Variants in SCAPER observed in about 807,000 individuals in gnomAD.
SCAPER encodes the protein S phase cyclin A-associated protein in the endoplasmic reticulum.
Under a neutral mutation model 182.2 loss-of-function variants are expected in SCAPER, and 98 were observed. That is an observed-to-expected ratio of 0.54 (90% CI 0.46 to 0.64). The LOEUF (loss-of-function observed/expected upper bound fraction) is 0.64. Among genes scored for constraint, SCAPER ranks in the 30% least tolerant of loss-of-function variants. The pLI is 0.00. For synonymous variants in SCAPER, 605 were observed against 564.6 expected, an observed-to-expected ratio of 1.07 and a Z score of -1.01; for missense variants, 1,432 against 1,690.0, an observed-to-expected ratio of 0.85 and a Z score of 2.68.
intron 23 of SCAPER, among the ~76,000 whole-genome samples, chr15:76,570,125 T>C (rs1332871181): frequency 1.3e-5 from 2 of 152,134 alleles, no homozygotes; most frequent in African/African-American, 4.8e-5. Context: ...GTATTAGCAA[T>C]TTAGGATCAT....
At chr15:76,370,906 G>A (rs1031570421) in intron 29 of SCAPER, among the ~76,000 whole-genome samples, 2 of 152,172 alleles carry the variant, frequency 1.3e-5, no homozygotes, top group Non-Finnish European at 2.9e-5. Flanking sequence ...CAGCATCTAA[G>A]GGAAAGAATG....
At chr15:76,491,223 C>T (rs888273068) in intron 24 of SCAPER, among the ~76,000 whole-genome samples, 7 of 152,138 alleles carry the variant, frequency 4.6e-5, no homozygotes, top group African/African-American at 1.7e-4. Flanking sequence ...TGTATCTTCG[C>T]ATATTTTGAA....
At chr15:76,811,010 C>T (rs945079566) in intron 5 of SCAPER, among the ~76,000 whole-genome samples, 3 of 148,682 alleles carry the variant, frequency 2.0e-5, no homozygotes, top group African/African-American at 7.4e-5. Flanking sequence ...CACCTAACAT[C>T]AAAGCACTTA....
chr15:76,719,923 CT>C (rs1040039454), intron 17 of SCAPER, among the ~76,000 whole-genome samples: 207 of 145,532 alleles, frequency 1.4e-3, no homozygotes, highest in Middle Eastern at 3.5e-3. Context: ...AATGGTATTT[CT>C]TTTTTTTTTT....
chr15:76,705,391 A>G (rs2059201100), intron 18 of SCAPER, among the ~76,000 whole-genome samples: 1 of 103,520 alleles, frequency 9.7e-6, no homozygotes, highest in South Asian at 3.8e-4. Context: ...CACTCTGGGG[A>G]CTGTTTTGGG....
chr15:76,716,311 A>G lies in SCAPER; in HGVS notation c.2166-10327T>C, dbSNP rs114826653. On this transcript the variant is annotated intron_variant, in intron 17 of 31. Transcript: ENST00000563290. Reference sequence around the variant, plus strand: ...GTACCCTCAGGCCCATCTTCAAGTGAAAGTCATCCCCTTCCCACTCTGTAA... The same window carrying G: ...GTACCCTCAGGCCCATCTTCAAGTGGAAGTCATCCCCTTCCCACTCTGTAA... Among the ~76,000 whole-genome samples the G allele has an allele frequency of 8.2e-3, 1,243 of 152,294 alleles. 13 individuals are homozygous for G. Among genetic ancestry groups the G allele is most frequent in the African/African-American group, 0.028 (1,179 of 41,568 alleles).
intron 25 of SCAPER, among the ~76,000 whole-genome samples, chr15:76,437,445 T>C (rs923838602): frequency 4.6e-5 from 7 of 152,334 alleles, no homozygotes; most frequent in Admixed American, 4.6e-4. Context: ...AGAATATTAG[T>C]AAGGCCTCTC....
intron 26 of SCAPER, among the ~76,000 whole-genome samples, chr15:76,422,360 T>C (rs907179745): frequency 2.6e-5 from 4 of 152,202 alleles, no homozygotes; most frequent in African/African-American, 9.7e-5. Flanking sequence ...GATTCCTAGG[T>C]ATTTTACTCT....
chr15:76,672,116 G>A (rs1319518484), intron 20 of SCAPER, among the ~76,000 whole-genome samples: 1 of 152,090 alleles, frequency 6.6e-6, no homozygotes, highest in African/African-American at 2.4e-5. Flanking sequence ...GTACAAACTA[G>A]GGATAATAGA....
intron 23 of SCAPER, among the ~76,000 whole-genome samples, chr15:76,568,112 A>G (rs1052761278): frequency 6.6e-6 from 1 of 151,550 alleles, no homozygotes; most frequent in East Asian, 1.9e-4. Flanking sequence ...TAAATAGAGC[A>G]CACTTTCCCA....
intron 20 of SCAPER, among the ~76,000 whole-genome samples, chr15:76,687,745 C>A (rs1459600985): frequency 6.6e-6 from 1 of 152,192 alleles, no homozygotes; most frequent in Non-Finnish European, 1.5e-5. Flanking sequence ...CCAGCTTCAT[C>A]CATGTCCCTG....
rs536318478 is a variant in SCAPER at position 76,564,664 on chromosome 15, A to T, written c.2838+9494T>A. On this transcript the variant is annotated intron_variant, in intron 23 of 31. Transcript: ENST00000563290. ...TTCTTCACAGAACTAAAAAAAGAAAAATTTTTTTTAAATTCATATGGAAGC... is the reference window on the plus strand; with the variant it reads ...TTCTTCACAGAACTAAAAAAAGAAATATTTTTTTTAAATTCATATGGAAGC... Among the ~76,000 whole-genome samples the T allele has an allele frequency of 6.6e-5, 10 of 152,182 alleles. No individual in the cohort carries two copies. The South Asian group carries it at 1.5e-3, about 22-fold the overall frequency.
chr15:76,566,070 A>G (rs2047012958), intron 23 of SCAPER, among the ~76,000 whole-genome samples: 1 of 152,128 alleles, frequency 6.6e-6, no homozygotes. Flanking sequence ...GGCAGTGTCT[A>G]GCAGGATCTG....
intron 2 of SCAPER, 62 bp downstream of exon 2, chr15:76,883,750 A>G (rs553999927): frequency 1.5e-5 from 20 of 1,314,242 alleles, no homozygotes; most frequent in Non-Finnish European, 2.0e-5. Context: ...TAAAAAAGAT[A>G]AAAGAAAGGA....
At chr15:76,873,335 C>A (rs10851891) in intron 2 of SCAPER, among the ~76,000 whole-genome samples, 2,559 of 53,580 alleles carry the variant, frequency 0.048, 20 homozygotes, top group African/African-American at 0.066. Flanking sequence ...GGAAGGAAGG[C>A]AGGCAGGCAG....
At chr15:76,801,453 C>T (rs2151511690) in intron 6 of SCAPER, among the ~76,000 whole-genome samples, 1 of 152,258 alleles carries the variant, frequency 6.6e-6, no homozygotes, top group East Asian at 1.9e-4. Flanking sequence ...TAAACATATA[C>T]AACTTCAGTT....
rs866283232 is a variant in SCAPER at position 76,742,457 on chromosome 15, G to A, written c.1867-9073C>T. On this transcript the variant is annotated intron_variant, in intron 15 of 31. Coordinates refer to ENST00000563290, the MANE Select transcript of SCAPER (RefSeq NM_020843.4). ...ACAGCACAAGGAATAAGAAACAGGTGTCTTTTCCTAAAAAAAAAAAAAAAA... is the reference window on the plus strand; with the variant it reads ...ACAGCACAAGGAATAAGAAACAGGTATCTTTTCCTAAAAAAAAAAAAAAAA... Among the ~76,000 whole-genome samples, 10 of 97,874 alleles carry A rather than the reference G, an allele frequency of 1.0e-4. 1 individual carries two copies. The South Asian group carries it at 3.4e-3, about 34-fold the overall frequency. The allele number at this position is 97,874 out of a possible 152,430, so 64.2% of individuals were successfully genotyped here.
chr15:76,517,949 G>T (rs1398510969), intron 23 of SCAPER, among the ~76,000 whole-genome samples: 1 of 152,156 alleles, frequency 6.6e-6, no homozygotes, highest in South Asian at 2.1e-4. Context: ...GAATATAAAG[G>T]AATGTTAAGT....
intron 5 of SCAPER, among the ~76,000 whole-genome samples, chr15:76,814,230 G>C (rs956271561): frequency 2.0e-5 from 3 of 152,028 alleles, no homozygotes; most frequent in African/African-American, 7.2e-5. Context: ...AAATTGTACT[G>C]GCATTTTTCA....
Sources: allele counts gnomAD v4.1 joint callset (sites outside exome capture counted in the v4.1 genomes callset), GRCh38; gene constraint gnomAD v4.1.1; transcripts MANE v1.5; gene names NCBI Gene and HGNC (gene_info 2026-07-23, HGNC 2026-07-21).